The following PKD1L1 variants were observed in gnomAD, a reference collection of about 807,000 sequenced individuals.
PKD1L1 encodes the protein polycystin 1 like 1, transient receptor potential channel interacting, also known as polycystin-1-like protein 1.
A neutral mutation model predicts 323.4 loss-of-function variants in PKD1L1; 236 were observed. The ratio of observed to expected loss-of-function variants is 0.73; its 90% CI spans 0.66 to 0.81. PKD1L1 has a LOEUF of 0.81. Ranked by LOEUF, PKD1L1 falls within the 40% of genes least tolerant of loss-of-function variation. PKD1L1 has a pLI of 0.00. For synonymous variants in PKD1L1, 1,344 were observed against 1,335.0 expected (o/e 1.01, Z -0.15); for missense variants, 3,320 against 3,508.0 (o/e 0.95, Z 1.35).
intron 14 of PKD1L1, among the ~76,000 whole-genome samples, 182 bp from the exon 15 acceptor site, chr7:47,894,241 G>T (rs924441571): frequency 3.3e-5 from 5 of 152,192 alleles, no homozygotes; most frequent in Non-Finnish European, 7.3e-5. Context: ...AGCTGTGACT[G>T]GAGTCCACGA....
At chr7:47,848,506 C>A (rs1785711839) in intron 31 of PKD1L1, among the ~76,000 whole-genome samples, 1 of 152,154 alleles carries the variant, frequency 6.6e-6, no homozygotes, top group African/African-American at 2.4e-5. Context: ...GAAAACAATT[C>A]CCATAAAATT....
At position 47,839,484 on chromosome 7, in the gene PKD1L1, C is replaced by T; in HGVS notation, c.5731G>A (p.Glu1911Lys). The T allele has an allele frequency of 1.2e-6, 2 of 1,612,370 alleles. No individual in the cohort carries two copies. Among genetic ancestry groups the T allele is most frequent in the Non-Finnish European group, 1.7e-6 (2 of 1,179,672 alleles). Residue 1911 changes from glutamate to lysine, a missense_variant, in exon 36 of 57, where the codon GAG (glutamate) becomes AAG (lysine). Physicochemically the swap from Glu to Lys is moderately conservative, Grantham distance 56 (BLOSUM62 1). Coordinates refer to ENST00000289672, the MANE Select transcript of PKD1L1 (RefSeq NM_138295.5). The surrounding 1 kb of genome is among the most constrained non-coding windows in gnomAD (Gnocchi z 4.3). ...AGTCCCCCTTGCAGACAGGTGAGCT[C>T]CCGCTCCACGCGACCATCATGCCTG... ...AGRHDGRVER[E>K]LTCLQGGLGF... is the part of the protein sequence containing the mutation.
chr7:47,865,373 A>G (rs1159292534), intron 25 of PKD1L1, 101 bp from the exon 26 acceptor site: 4 of 1,037,332 alleles, frequency 3.9e-6, no homozygotes, highest in Non-Finnish European at 5.7e-6. Context: ...GAAATAGTAC[A>G]GATTCCCTGC....
intron 22 of PKD1L1, among the ~76,000 whole-genome samples, chr7:47,877,196 C>T (rs535698924): frequency 2.0e-5 from 3 of 152,124 alleles, no homozygotes; most frequent in East Asian, 1.9e-4. Flanking sequence ...GCAGCATTAA[C>T]GGAGGCCCCT....
intron 21 of PKD1L1, among the ~76,000 whole-genome samples, chr7:47,879,674 C>A (rs1786490858): frequency 6.8e-6 from 1 of 146,804 alleles, no homozygotes; most frequent in Non-Finnish European, 1.5e-5. Context: ...TGGCTCACGC[C>A]TGTAATCCCA....
chr7:47,854,054 A>G (rs1231731467), intron 30 of PKD1L1, among the ~76,000 whole-genome samples: 1 of 152,248 alleles, frequency 6.6e-6, no homozygotes, highest in East Asian at 1.9e-4. Context: ...TGTGACTTAA[A>G]GAATTAAATT....
At position 47,936,965 on chromosome 7, in the gene PKD1L1, G is replaced by GA. The variant is rs1787879722; in HGVS notation, c.286-8dup. On this transcript the variant is annotated splice_polypyrimidine_tract_variant and splice_region_variant and intron_variant, in intron 3 of 56. Transcript: ENST00000289672. ...TAGTTGTTTTCCAAATGTTCTGTAA[G>GA]AAAAAATAATAAAATAATGTGAGAG... 2 of 1,589,894 alleles carry GA rather than the reference G, an allele frequency of 1.3e-6. No homozygotes were observed. The highest frequency in any genetic ancestry group is 1.8e-5 in the Admixed American group (1 of 56,628).
the PKD1L1 span, among the ~76,000 whole-genome samples, chr7:47,959,008 G>C: frequency 6.6e-6 from 1 of 152,256 alleles, no homozygotes; most frequent in Non-Finnish European, 1.5e-5. Context: ...TTTTTTGGTG[G>C]AGACGGGGTT....
intron 17 of PKD1L1, among the ~76,000 whole-genome samples, chr7:47,887,457 G>A (rs749852973): frequency 2.5e-4 from 38 of 152,336 alleles, no homozygotes; most frequent in African/African-American, 6.3e-4. Flanking sequence ...TGCCCAGCAC[G>A]CTGCAACACA....
chr7:47,911,686 G>A (rs1583668052), intron 8 of PKD1L1, among the ~76,000 whole-genome samples: 1 of 152,128 alleles, frequency 6.6e-6, no homozygotes, highest in East Asian at 1.9e-4. Context: ...AGCATGTTCA[G>A]AATACAAAAT....
In PKD1L1 at chr7:47,948,464, T is replaced by C; in HGVS notation, c.-24A>G. On this transcript the variant is annotated 5_prime_UTR_variant, in exon 1 of 57. In the 5' UTR this introduces an upstream ATG that the reference lacks. Coordinates refer to ENST00000289672, the MANE Select transcript of PKD1L1 (RefSeq NM_138295.5). Reference sequence around the variant, plus strand: ...ATGTCCTGTGCAAGCTGGTCACAAGTATGACAGTCAGCAGACCAGCTTCTT... The same window carrying C: ...ATGTCCTGTGCAAGCTGGTCACAAGCATGACAGTCAGCAGACCAGCTTCTT... 3 of 1,613,564 alleles carry C rather than the reference T, an allele frequency of 1.9e-6. No homozygotes were observed. In the South Asian group the frequency reaches 3.3e-5, roughly 18 times the overall value.
At chr7:47,865,104 T>A (rs947748622) in intron 26 of PKD1L1, 112 bp downstream of exon 26, 30 of 760,924 alleles carry the variant, frequency 3.9e-5, no homozygotes, top group Non-Finnish European at 6.4e-5. Context: ...AAATCACATT[T>A]CTAATCTAAG....
At chr7:47,872,362 T>C (rs1786299996) in intron 24 of PKD1L1, among the ~76,000 whole-genome samples, 2 of 135,138 alleles carry the variant, frequency 1.5e-5, no homozygotes, top group East Asian at 2.0e-4. Context: ...ACAAAGTTAG[T>C]GGGCTCAGGT....
intron 21 of PKD1L1, 58 bp from the exon 22 acceptor site, chr7:47,877,689 G>A (rs1420789483): frequency 2.0e-5 from 31 of 1,579,886 alleles, no homozygotes; most frequent in Non-Finnish European, 2.7e-5. Flanking sequence ...AGCAGCATAG[G>A]AATAAGTTTT....
intron 2 of PKD1L1, 53 bp downstream of exon 2, chr7:47,943,343 A>T: frequency 1.4e-6 from 2 of 1,417,792 alleles, no homozygotes. Context: ...ATACCAGGGA[A>T]ATAAAGCAAC....
rs1784905920 is a variant in PKD1L1 at position 47,811,925 on chromosome 7, C to T, written c.7473G>A (p.Leu2491=). 6.2e-7 allele frequency: 1 copy of T among 1,608,468 alleles called. No homozygotes were observed. Among genetic ancestry groups the T allele is most frequent in the African/African-American group, 1.3e-5 (1 of 74,912 alleles). ...PPTQLFTSVS[L]RVEILPTGSL... is the part of the protein sequence containing the mutation. ...TCCCCGTAGGGAGGATCTCCACTCT[C>T]AGGGACACGCTGGTGAAGAGTTGGG... is the stretch of plus-strand genomic sequence containing the variant. The change falls in exon 50 of 57, where the codon CTG becomes CTA. Residue 2491 remains leucine (L), a synonymous_variant. Coordinates refer to ENST00000289672, the MANE Select transcript of PKD1L1 (RefSeq NM_138295.5).
At chr7:47,920,036 T>C (rs531378368) in intron 7 of PKD1L1, among the ~76,000 whole-genome samples, 58 of 152,182 alleles carry the variant, frequency 3.8e-4, no homozygotes, top group African/African-American at 1.3e-3. Flanking sequence ...GAGAAAGGAA[T>C]AAAGGGCATC....
intron 4 of PKD1L1, among the ~76,000 whole-genome samples, chr7:47,933,637 G>A (rs1344913243): frequency 6.6e-6 from 1 of 152,124 alleles, no homozygotes; most frequent in Non-Finnish European, 1.5e-5. Flanking sequence ...CAGCCTTCGT[G>A]TATGGTGTAC....
chr7:47,847,773 G>A (rs113345110), intron 31 of PKD1L1, among the ~76,000 whole-genome samples: 4 of 152,040 alleles, frequency 2.6e-5, no homozygotes, highest in Non-Finnish European at 4.4e-5. Flanking sequence ...AACTGCACAA[G>A]TACTGAGGAA....
Sources: gnomAD v4.1 joint callset for allele counts (sites outside exome capture counted in the v4.1 genomes callset) on GRCh38, gnomAD v4.1.1 for gene constraint, Gnocchi (gnomAD v3.1) non-coding constraint, MANE v1.5 for transcripts, NCBI Gene and HGNC (gene_info 2026-07-23, HGNC 2026-07-21) for gene names.